Variants in PTPRM observed in about 807,000 individuals in gnomAD.
PTPRM encodes protein tyrosine phosphatase receptor type M, also known as receptor-type tyrosine-protein phosphatase mu.
A neutral mutation model predicts 186.7 loss-of-function variants in PTPRM; 47 were observed. The ratio of observed to expected loss-of-function variants is 0.25; its 90% CI spans 0.20 to 0.32. The LOEUF (loss-of-function observed/expected upper bound fraction) is 0.32, where lower values mean the gene tolerates loss of function less well. PTPRM is among the 10% of genes least tolerant of loss of function. The probability of loss-of-function intolerance (pLI) is 1.00; values close to 1 mark genes in which losing one functional copy is unlikely to be tolerated. For missense variants in PTPRM, 1,494 were observed against 1,865.0 expected, an observed-to-expected ratio of 0.80 and a Z score of 3.66; for synonymous variants, 668 against 674.9, an observed-to-expected ratio of 0.99 and a Z score of 0.16.
At chr18:7,691,445 T>C (rs9947511) in intron 1 of PTPRM, among the ~76,000 whole-genome samples, 89,227 of 152,034 alleles carry the variant, frequency 0.59, 27,917 homozygotes, top group East Asian at 0.97. Flanking sequence ...TACCGATGTT[T>C]GTGGGAGGAG....
chr18:8,231,813 A>G (rs915140693), intron 14 of PTPRM, among the ~76,000 whole-genome samples: 3 of 152,280 alleles, frequency 2.0e-5, no homozygotes, highest in Non-Finnish European at 4.4e-5. Flanking sequence ...GTTTCACCAC[A>G]TAAGTGAGCA....
chr18:8,301,577 T>C (rs540022491), intron 20 of PTPRM, among the ~76,000 whole-genome samples: 8 of 152,370 alleles, frequency 5.3e-5, no homozygotes, highest in Admixed American at 1.3e-4. Flanking sequence ...CAAGTATATA[T>C]TGATCTGCCA....
intron 23 of PTPRM, chr18:8,366,861 T>C (rs1384438638): frequency 6.6e-6 from 1 of 152,260 alleles, no homozygotes; most frequent in Non-Finnish European, 1.5e-5. Flanking sequence ...CCTTACGTGA[T>C]TAGGATGCGT....
chr18:7,963,732 G>T (rs764639459), intron 7 of PTPRM, among the ~76,000 whole-genome samples: 1 of 152,212 alleles, frequency 6.6e-6, no homozygotes, highest in Non-Finnish European at 1.5e-5. Flanking sequence ...GTTTCAGGCT[G>T]TATTTTGTCT....
At chr18:8,374,210 G>GA (rs779384973) in intron 24 of PTPRM, among the ~76,000 whole-genome samples, 1 of 152,088 alleles carries the variant, frequency 6.6e-6, no homozygotes, top group African/African-American at 2.4e-5. Flanking sequence ...ACCTTGCTCA[G>GA]AAAAAGAGTC....
chr18:7,617,250 A>G (rs557465076), intron 1 of PTPRM, among the ~76,000 whole-genome samples: 2 of 152,280 alleles, frequency 1.3e-5, no homozygotes, highest in South Asian at 4.1e-4. Context: ...GAGTTTGGAA[A>G]AGGGACATTT....
intron 23 of PTPRM, among the ~76,000 whole-genome samples, chr18:8,355,189 T>C (rs3786371): frequency 0.29 from 44,132 of 151,896 alleles, 6,492 homozygotes; most frequent in East Asian, 0.37. Context: ...AGCAAAGGGA[T>C]GAAATTCCGT....
chr18:7,966,695 G>T (rs867183310), intron 7 of PTPRM, among the ~76,000 whole-genome samples: 2 of 147,168 alleles, frequency 1.4e-5, no homozygotes, highest in African/African-American at 2.5e-5. Flanking sequence ...AAGGGGTGAC[G>T]GGCGCACCTG....
intron 14 of PTPRM, among the ~76,000 whole-genome samples, chr18:8,211,022 A>G (rs1358053935): frequency 6.6e-6 from 1 of 152,236 alleles, no homozygotes; most frequent in African/African-American, 2.4e-5. Context: ...ATTTAGCAAC[A>G]TGGAGGTCAC....
At chr18:8,374,870 G>T (rs115358865) in intron 24 of PTPRM, among the ~76,000 whole-genome samples, 3,202 of 152,210 alleles carry the variant, frequency 0.021, 43 homozygotes, top group Middle Eastern at 0.041. Flanking sequence ...TTTCTTCTTT[G>T]CTCACTAAGT....
At chr18:7,852,402 T>A (rs2046904299) in intron 2 of PTPRM, among the ~76,000 whole-genome samples, 1 of 151,874 alleles carries the variant, frequency 6.6e-6, no homozygotes, top group Non-Finnish European at 1.5e-5. Flanking sequence ...CAAAGCTGGA[T>A]CCTGTCTCTA....
chr18:7,894,564 G>A (rs766261924), intron 3 of PTPRM, among the ~76,000 whole-genome samples: 4 of 151,786 alleles, frequency 2.6e-5, no homozygotes, highest in Non-Finnish European at 5.9e-5. Flanking sequence ...CCAGCCTAGG[G>A]GGCAGAGCAA....
At chr18:7,912,843 T>A (rs1389713769) in intron 4 of PTPRM, among the ~76,000 whole-genome samples, 1 of 152,094 alleles carries the variant, frequency 6.6e-6, no homozygotes, top group African/African-American at 2.4e-5. Context: ...TCAAATGAAT[T>A]TGAGAATCAG....
At chr18:7,698,524 T>C (rs1483967356) in intron 1 of PTPRM, among the ~76,000 whole-genome samples, 1 of 152,256 alleles carries the variant, frequency 6.6e-6, no homozygotes, top group African/African-American at 2.4e-5. Flanking sequence ...CCTCATTAAG[T>C]ACAAAATATT....
chr18:8,257,447 G>T (rs1030091657), intron 19 of PTPRM, among the ~76,000 whole-genome samples: 8 of 152,180 alleles, frequency 5.3e-5, no homozygotes, highest in South Asian at 2.1e-4. Context: ...TGGATGGAGA[G>T]CTATTTAGTC....
intron 2 of PTPRM, among the ~76,000 whole-genome samples, chr18:7,886,292 G>A (rs1056677338): frequency 6.6e-6 from 1 of 152,182 alleles, no homozygotes; most frequent in African/African-American, 2.4e-5. Context: ...TGCATGTTTT[G>A]AAGATTTTTT....
chr18:7,771,105 G>A (rs916788860), intron 1 of PTPRM, among the ~76,000 whole-genome samples: 27 of 152,164 alleles, frequency 1.8e-4, no homozygotes, highest in Admixed American at 2.0e-4. Context: ...GCATGCTTTT[G>A]CTTTATATGT....
intron 14 of PTPRM, among the ~76,000 whole-genome samples, chr18:8,210,476 C>A (rs1218618838): frequency 6.6e-6 from 1 of 152,170 alleles, no homozygotes; most frequent in Non-Finnish European, 1.5e-5. Flanking sequence ...AATTGTCCTT[C>A]CCCTACAGGT....
At chr18:8,171,072 G>A (rs1382692753) in intron 14 of PTPRM, among the ~76,000 whole-genome samples, 1 of 152,188 alleles carries the variant, frequency 6.6e-6, no homozygotes, top group Non-Finnish European at 1.5e-5. Flanking sequence ...TGGGCTATAG[G>A]AGTAGCTAAA....
Sources: gnomAD v4.1 joint callset for allele counts (sites outside exome capture counted in the v4.1 genomes callset) on GRCh38, gnomAD v4.1.1 for gene constraint, MANE v1.5 for transcripts, NCBI Gene and HGNC (gene_info 2026-07-23, HGNC 2026-07-21) for gene names.